Variants in GNA12 observed in about 807,000 individuals in gnomAD.
GNA12 encodes the protein guanine nucleotide-binding protein subunit alpha-12.
In GNA12, 9 loss-of-function variants were observed where a neutral mutation model predicts 26.0. That is an observed-to-expected ratio of 0.35 (90% CI 0.21 to 0.60). The LOEUF is 0.60. Among genes scored for constraint, GNA12 ranks in the 20% least tolerant of loss-of-function variants. The probability of loss-of-function intolerance (pLI) is 0.78; values close to 1 mark genes in which losing one functional copy is unlikely to be tolerated. For synonymous variants in GNA12, 264 were observed against 219.6 expected (o/e 1.20, Z -1.79); for missense variants, 405 against 525.8 (o/e 0.77, Z 2.25).
chr7:2,755,983 A>C (rs754198658), intron 2 of GNA12, among the ~76,000 whole-genome samples: 5 of 152,238 alleles, frequency 3.3e-5, no homozygotes, highest in Admixed American at 6.5e-5. Context: ...TTTAAAATTT[A>C]TCTCTTCAAA....
chr7:2,843,802 T>C (rs1218860617), intron 1 of GNA12, 51 bp downstream of exon 1: 23 of 1,074,488 alleles, frequency 2.1e-5, no homozygotes, highest in Non-Finnish European at 2.7e-5. Context: ...GGGCGGGGGT[T>C]AGCGCCCCGG....
At chr7:2,757,743 A>G (rs560394186) in intron 2 of GNA12, among the ~76,000 whole-genome samples, 2 of 152,352 alleles carry the variant, frequency 1.3e-5, no homozygotes, top group Admixed American at 6.5e-5. Context: ...CATGAAGCAT[A>G]AAGGAAAATG....
At position 2,758,480 on chromosome 7, in the gene GNA12, G is replaced by A. The variant is rs1199765397; in HGVS notation, c.526-24979C>T. 5.3e-5 allele frequency among the ~76,000 whole-genome samples: 8 copies of A among 152,246 alleles called. No homozygotes were observed. In the East Asian group the frequency reaches 1.2e-3, roughly 22 times the overall value. On this transcript the variant is annotated intron_variant, in intron 2 of 3. Transcript: ENST00000275364. ...CGAGCCTCAATGACACACGCCCTGT[G>A]CAATTTCTTCCCCTGCAGCGTGGGA...
intron 2 of GNA12, among the ~76,000 whole-genome samples, chr7:2,753,144 C>T (rs184701431): frequency 1.3e-5 from 2 of 150,462 alleles, no homozygotes; most frequent in Admixed American, 6.7e-5. Context: ...TGAAACCATA[C>T]AGCATGCGGC....
At chr7:2,772,759 T>C (rs935455785) in intron 2 of GNA12, among the ~76,000 whole-genome samples, 3 of 152,152 alleles carry the variant, frequency 2.0e-5, no homozygotes, top group African/African-American at 7.2e-5. Flanking sequence ...GGAGAAATAG[T>C]TGGCAAACCC....
At chr7:2,750,097 T>A (rs755178738) in intron 2 of GNA12, among the ~76,000 whole-genome samples, 2 of 152,212 alleles carry the variant, frequency 1.3e-5, no homozygotes, top group Non-Finnish European at 2.9e-5. Context: ...GCAAGGATGC[T>A]ATACCACACA....
At chr7:2,784,822 C>G (rs1447375180) in intron 2 of GNA12, among the ~76,000 whole-genome samples, 1 of 152,140 alleles carries the variant, frequency 6.6e-6, no homozygotes, top group African/African-American at 2.4e-5. Context: ...TCATTTGACT[C>G]TTAATTTATG....
At chr7:2,836,570 A>G (rs1359417493) in intron 1 of GNA12, among the ~76,000 whole-genome samples, 1 of 152,138 alleles carries the variant, frequency 6.6e-6, no homozygotes, top group Non-Finnish European at 1.5e-5. Context: ...TGGCCAAAGG[A>G]CCCAGAAAAG....
chr7:2,742,329 T>C (rs1319595356), intron 2 of GNA12, among the ~76,000 whole-genome samples: 1 of 152,166 alleles, frequency 6.6e-6, no homozygotes, highest in African/African-American at 2.4e-5. Context: ...ACTGAGATTT[T>C]TGAAGAAGAG....
intron 2 of GNA12, among the ~76,000 whole-genome samples, chr7:2,743,915 C>A (rs1186099869): frequency 6.6e-6 from 1 of 151,998 alleles, no homozygotes; most frequent in Non-Finnish European, 1.5e-5. Flanking sequence ...AGGAGTCTTG[C>A]TCATTGCTAG....
intron 2 of GNA12, among the ~76,000 whole-genome samples, chr7:2,748,318 A>G (rs1191237402): frequency 6.6e-6 from 1 of 152,222 alleles, no homozygotes; most frequent in African/African-American, 2.4e-5. Context: ...AGACACATAG[A>G]CCAATGGAAC....
intron 1 of GNA12, among the ~76,000 whole-genome samples, chr7:2,808,285 C>A (rs1295513788): frequency 1.3e-5 from 2 of 152,256 alleles, no homozygotes; most frequent in Non-Finnish European, 1.5e-5. Flanking sequence ...GCCTTCAGTG[C>A]TTACGGCCTG....
intron 1 of GNA12, among the ~76,000 whole-genome samples, chr7:2,799,431 A>T (rs1280935032): frequency 1.3e-5 from 2 of 152,038 alleles, no homozygotes; most frequent in Non-Finnish European, 2.9e-5. Context: ...ATATCAAACA[A>T]ATTAGGCAGG....
chr7:2,804,418 C>T (rs1792892412), intron 1 of GNA12, among the ~76,000 whole-genome samples: 1 of 152,168 alleles, frequency 6.6e-6, no homozygotes, highest in Non-Finnish European at 1.5e-5. Flanking sequence ...TGTACATACA[C>T]CGGGTTCCTC....
chr7:2,766,374 G>A (rs1282118421), intron 2 of GNA12, among the ~76,000 whole-genome samples: 1 of 147,654 alleles, frequency 6.8e-6, no homozygotes, highest in African/African-American at 2.5e-5. Context: ...ATGAACATTT[G>A]GGTTGCTTCC....
At chr7:2,783,357 C>T (rs1383433476) in intron 2 of GNA12, among the ~76,000 whole-genome samples, 3 of 152,082 alleles carry the variant, frequency 2.0e-5, no homozygotes, top group Non-Finnish European at 4.4e-5. Context: ...ACAGGTCTCC[C>T]GGGGAGCTGG....
intron 2 of GNA12, among the ~76,000 whole-genome samples, chr7:2,791,665 A>G (rs1792522278): frequency 6.6e-6 from 1 of 151,802 alleles, no homozygotes; most frequent in African/African-American, 2.4e-5. Flanking sequence ...GTGATGAAGC[A>G]TTGCCCTAGA....
intron 1 of GNA12, among the ~76,000 whole-genome samples, chr7:2,839,528 C>T (rs115087054): frequency 0.014 from 2,129 of 152,196 alleles, 48 homozygotes; most frequent in African/African-American, 0.048. Flanking sequence ...GGATTACAGG[C>T]ACCTGCTACT....
At chr7:2,794,837 C>T in intron 2 of GNA12, 91 bp downstream of exon 2, 1 of 933,340 alleles carries the variant, frequency 1.1e-6, no homozygotes. Context: ...TGGACTGTTA[C>T]ACAGTTTTTA....
Sources: allele counts gnomAD v4.1 joint callset (sites outside exome capture counted in the v4.1 genomes callset), GRCh38; gene constraint gnomAD v4.1.1; transcripts MANE v1.5; gene names NCBI Gene and HGNC (gene_info 2026-07-23, HGNC 2026-07-21).